SYNPR: variants seen among roughly 807,000 people sequenced by gnomAD.
SYNPR encodes synaptoporin.
Under a neutral mutation model 32.9 loss-of-function variants are expected in SYNPR, and 23 were observed. That is an observed-to-expected ratio of 0.70 (90% confidence interval 0.50 to 0.99). The LOEUF (loss-of-function observed/expected upper bound fraction) is 0.99, where lower values mean the gene tolerates loss of function less well. Ranked by LOEUF, SYNPR falls within the 50% of genes least tolerant of loss-of-function variation. The pLI, the probability that SYNPR is intolerant of heterozygous loss-of-function variation, is 0.00. For synonymous variants in SYNPR, 146 were observed against 135.9 expected (o/e 1.07, Z -0.52); for missense variants, 318 against 349.3 (o/e 0.91, Z 0.71).
intron 2 of SYNPR, among the ~76,000 whole-genome samples, chr3:63,428,362 G>A (rs1389075297): frequency 1.3e-5 from 2 of 152,150 alleles, no homozygotes; most frequent in African/African-American, 2.4e-5. Context: ...TTTAGTAATT[G>A]TAGACTAAAT....
intron 4 of SYNPR, 147 bp downstream of exon 4, chr3:63,556,888 C>A: frequency 2.5e-6 from 2 of 805,828 alleles, no homozygotes; most frequent in Non-Finnish European, 3.7e-6. Context: ...CTCGAAGCCA[C>A]AACAAAAACT....
At chr3:63,337,329 A>C (rs1299494309) in intron 2 of SYNPR, among the ~76,000 whole-genome samples, 3 of 151,730 alleles carry the variant, frequency 2.0e-5, no homozygotes, top group African/African-American at 7.3e-5. Context: ...CTATTTACCT[A>C]TTAGAATGGT....
intron 2 of SYNPR, among the ~76,000 whole-genome samples, chr3:63,346,926 G>A (rs1348484791): frequency 6.6e-6 from 1 of 152,178 alleles, no homozygotes; most frequent in Non-Finnish European, 1.5e-5. Flanking sequence ...ATGGATATGA[G>A]TATAAGATTA....
intron 2 of SYNPR, among the ~76,000 whole-genome samples, chr3:63,260,451 A>AG (rs2086428560): frequency 6.6e-6 from 1 of 152,206 alleles, no homozygotes. Flanking sequence ...GACAAACCTG[A>AG]CAAAACAAGA....
In SYNPR at chr3:63,441,974, G is replaced by A. The variant is rs186572788; in HGVS notation, c.85-38858G>A. On this transcript the variant is annotated intron_variant, in intron 2 of 5. Coordinates refer to ENST00000478300, the MANE Select transcript of SYNPR (RefSeq NM_001130003.2). ...ACAAAGGGGAAACCAAGGCTCAGGC[G>A]CAGGCCACATGACTAGTAAGTGGGA... Among the ~76,000 whole-genome samples the A allele has an allele frequency of 3.2e-3, 484 of 152,282 alleles. 2 individuals carry two copies. The highest frequency in any genetic ancestry group is 0.011 in the African/African-American group (453 of 41,570).
intron 2 of SYNPR, among the ~76,000 whole-genome samples, chr3:63,360,929 G>C (rs374399161): frequency 6.6e-6 from 1 of 152,102 alleles, no homozygotes; most frequent in South Asian, 2.1e-4. Flanking sequence ...TTAATCATTA[G>C]AATGTAAACT....
At chr3:63,533,412 A>G in intron 3 of SYNPR, among the ~76,000 whole-genome samples, 1 of 152,200 alleles carries the variant, frequency 6.6e-6, no homozygotes, top group African/African-American at 2.4e-5. Context: ...AAGAAGCAAC[A>G]AAAACGTGCA....
At chr3:63,403,111 A>C (rs2088313747) in intron 2 of SYNPR, among the ~76,000 whole-genome samples, 1 of 152,104 alleles carries the variant, frequency 6.6e-6, no homozygotes, top group Non-Finnish European at 1.5e-5. Flanking sequence ...ATATATCCAC[A>C]TTCTGCCATT....
At chr3:63,441,332 C>G (rs73110882) in intron 2 of SYNPR, among the ~76,000 whole-genome samples, 1 of 152,008 alleles carries the variant, frequency 6.6e-6, no homozygotes, top group African/African-American at 2.4e-5. Flanking sequence ...CAATGGGACT[C>G]TTAATATTCA....
Position 63,494,524 on chromosome 3 carries a change from T to TATATATACATACATAC in SYNPR, c.209+13575_209+13576insCATACATACATATATA, listed in dbSNP as rs1559516594. ...ATATATACATATATACATATATACA[T>TATATATACATACATAC]ATATATATATGGCAAAGATCATCAT... On this transcript the variant is annotated intron_variant, in intron 3 of 5. Coordinates refer to ENST00000478300, the MANE Select transcript of SYNPR (RefSeq NM_001130003.2). 9.9e-5 allele frequency among the ~76,000 whole-genome samples: 6 copies of TATATATACATACATAC among 60,468 alleles called. No homozygotes were observed. The East Asian group carries it at 1.5e-3, about 15-fold the overall frequency. The allele number at this position is 60,468 out of a possible 152,430, so 39.7% of individuals were successfully genotyped here. A position where few individuals can be genotyped will look rare whatever the true frequency, so the allele number is the denominator to read the frequency against.
In SYNPR at chr3:63,609,255, A is replaced by G. The variant is rs1156327133; in HGVS notation, c.539A>G (p.Gln180Arg). 32 of 1,606,402 alleles carry G rather than the reference A, an allele frequency of 2.0e-5. No individual in the cohort carries two copies. The highest frequency in any genetic ancestry group is 2.6e-5 in the Non-Finnish European group (31 of 1,176,114). ...TTGCTACTAATGTCAGCTTGCAAAC[A>G]GCCATCCAACAAATGCATGGCTATC... ...EVLLLMSACK[Q>R]PSNKCMAIHS... The change falls in exon 5 of 6, where the codon CAG becomes CGG. Residue 180 changes from glutamine to arginine, a missense_variant. Gln to Arg is a conservative substitution (Grantham distance 43, BLOSUM62 1). Transcript: ENST00000478300.
intron 4 of SYNPR, among the ~76,000 whole-genome samples, chr3:63,577,775 C>A (rs1234149375): frequency 6.6e-6 from 1 of 152,088 alleles, no homozygotes; most frequent in Admixed American, 6.6e-5. Flanking sequence ...TCTCACCCCT[C>A]CTCAAAAAAG....
At chr3:63,415,679 C>G (rs1010470408) in intron 2 of SYNPR, among the ~76,000 whole-genome samples, 1 of 152,196 alleles carries the variant, frequency 6.6e-6, no homozygotes, top group Non-Finnish European at 1.5e-5. Flanking sequence ...GGCCCACAGG[C>G]CATAGTTCTC....
chr3:63,367,255 A>G (rs998026466), intron 2 of SYNPR, among the ~76,000 whole-genome samples: 16 of 152,340 alleles, frequency 1.1e-4, no homozygotes, highest in African/African-American at 3.8e-4. Context: ...TCTTGTAAAA[A>G]TTCAGAGTGT....
intron 2 of SYNPR, among the ~76,000 whole-genome samples, chr3:63,375,991 C>A (rs2087890244): frequency 6.6e-6 from 1 of 152,190 alleles, no homozygotes; most frequent in African/African-American, 2.4e-5. Context: ...GCACCACCAA[C>A]CACTCAACTA....
rs910266083 is a variant in SYNPR at position 63,597,851 on chromosome 3, A to G, written c.409-11274A>G. Among the ~76,000 whole-genome samples, 6 of 152,220 alleles carry G rather than the reference A, an allele frequency of 3.9e-5. No individual in the cohort carries two copies. The South Asian group carries it at 1.2e-3, about 32-fold the overall frequency. On this transcript the variant is annotated intron_variant, in intron 4 of 5. Coordinates refer to ENST00000478300, the MANE Select transcript of SYNPR (RefSeq NM_001130003.2). Reference sequence around the variant, plus strand: ...AGGAAACAATCCCATAAGTGGATAGAACAGAAACTTGTCCTGTCTATCCAT... The same window carrying G: ...AGGAAACAATCCCATAAGTGGATAGGACAGAAACTTGTCCTGTCTATCCAT...
intron 2 of SYNPR, among the ~76,000 whole-genome samples, chr3:63,324,934 TC>T (rs1256240077): frequency 6.6e-6 from 1 of 152,114 alleles, no homozygotes; most frequent in East Asian, 1.9e-4. Flanking sequence ...TATGAACATA[TC>T]AGAAAATTTT....
chr3:63,378,715 G>A (rs1461318239), intron 2 of SYNPR, among the ~76,000 whole-genome samples: 5 of 151,862 alleles, frequency 3.3e-5, no homozygotes, highest in Admixed American at 6.6e-5. Flanking sequence ...GGTCTGTAGC[G>A]ATATATACCC....
upstream of SYNPR, among the ~76,000 whole-genome samples, chr3:63,275,351 A>T (rs141060145): frequency 1.3e-3 from 201 of 152,316 alleles, no homozygotes; most frequent in African/African-American, 4.6e-3. Flanking sequence ...TATTTTGGTG[A>T]TGCAGCTGTT....
Sources: allele counts gnomAD v4.1 joint callset (sites outside exome capture counted in the v4.1 genomes callset), GRCh38; gene constraint gnomAD v4.1.1; transcripts MANE v1.5; gene names NCBI Gene and HGNC (gene_info 2026-07-23, HGNC 2026-07-21).